Variants in CCDC85C observed in about 807,000 individuals in gnomAD.
CCDC85C encodes coiled-coil domain containing 85C.
Under a neutral mutation model 38.3 loss-of-function variants are expected in CCDC85C, and 18 were observed. That is an observed-to-expected ratio of 0.47 (90% CI 0.33 to 0.70). The LOEUF is 0.70. CCDC85C is among the 30% of genes least tolerant of loss of function. The pLI is 0.03. For missense variants in CCDC85C, 566 were observed against 621.2 expected (o/e 0.91, Z 0.94); for synonymous variants, 264 against 293.8 (o/e 0.90, Z 1.04).
In CCDC85C at chr14:99,588,435, C is replaced by G. The variant is rs1208812336; in HGVS notation, c.793+14732G>C. 2.0e-5 allele frequency among the ~76,000 whole-genome samples: 3 copies of G among 152,000 alleles called. No homozygotes were observed. Among genetic ancestry groups the G allele is most frequent in the Admixed American group, 6.6e-5 (1 of 15,266 alleles). On this transcript the variant is annotated intron_variant, in intron 1 of 5. Transcript: ENST00000380243. The surrounding 1 kb of genome is among the most constrained non-coding windows in gnomAD (Gnocchi z 5.0). ...TGCCAGTCAATGCCTGTATATTTAC[C>G]CAGAGAAAAGAGAGCCCACGGACCC... is the stretch of plus-strand genomic sequence containing the variant.
chr14:99,503,562 A>T lies in CCDC85C; in HGVS notation c.*11684T>A. 2 of 1,503,438 alleles carry T rather than the reference A, an allele frequency of 1.3e-6. No individual in the cohort carries two copies. Among genetic ancestry groups the T allele is most frequent in the Non-Finnish European group, 1.8e-6 (2 of 1,107,864 alleles). The allele number at this position is 1,503,438 out of a possible 1,614,324, so 93.1% of individuals were successfully genotyped here. ...TACCTGGATAATCCATTTTTTTCTCATCATACTCAGGATCCCAGTTAACAA... is the reference window on the plus strand; with the variant it reads ...TACCTGGATAATCCATTTTTTTCTCTTCATACTCAGGATCCCAGTTAACAA... On this transcript the variant is annotated 3_prime_UTR_variant, in exon 6 of 6. Transcript: ENST00000380243.
Position 99,510,069 on chromosome 14 carries a change from T to C in CCDC85C, c.*5177A>G. 7.4e-7 allele frequency: 1 copy of C among 1,353,264 alleles called. No individual in the cohort carries two copies. The highest frequency in any genetic ancestry group is 2.5e-5 in the East Asian group (1 of 40,128). The allele number at this position is 1,353,264 out of a possible 1,614,324, so 83.8% of individuals were successfully genotyped here. A position where few individuals can be genotyped will look rare whatever the true frequency, so the allele number is the denominator to read the frequency against. On this transcript the variant is annotated 3_prime_UTR_variant, in exon 6 of 6. Transcript: ENST00000380243. ...GGCGGGCAGCTGCTCCCTGCTCCTC[T>C]GTAAAGATGGCCCTGAAGGGCCAGG...
chr14:99,515,292 G>A lies in CCDC85C; in HGVS notation c.1214C>T (p.Ser405Phe). 2 of 1,550,946 alleles carry A rather than the reference G, an allele frequency of 1.3e-6. No individual in the cohort carries two copies. Among genetic ancestry groups the A allele is most frequent in the Admixed American group, 3.9e-5 (2 of 50,998 alleles). The change falls in exon 6 of 6, where the codon TCC becomes TTC. Residue 405 changes from serine (S) to phenylalanine (F), a missense_variant. This residue lies in a region of CCDC85C where 286 missense variants were observed against 276.4 expected (regional missense o/e 1.03). Transcript: ENST00000380243. ...GTTCCCAGACAGGTGCTGCCGTATG[G>A]AGGGCTTGGAGCTGGCTGCATCTCC... is the stretch of plus-strand genomic sequence containing the variant. The part of the protein sequence containing the change: ...KLGDAASSKP[S>F]IRQHLSGNQF...
At chr14:99,600,897 T>C (rs911349208) in intron 1 of CCDC85C, among the ~76,000 whole-genome samples, 1 of 152,230 alleles carries the variant, frequency 6.6e-6, no homozygotes, top group South Asian at 2.1e-4. Context: ...AGGTGGCTCA[T>C]GGCTCTAATC....
Position 99,576,880 on chromosome 14 carries a change from C to T in CCDC85C, c.793+26287G>A, listed in dbSNP as rs919979200. 3.9e-5 allele frequency among the ~76,000 whole-genome samples: 6 copies of T among 152,028 alleles called. No individual in the cohort carries two copies. Among genetic ancestry groups the T allele is most frequent in the Admixed American group, 6.5e-5 (1 of 15,272 alleles). The stretch of plus-strand genomic sequence containing the variant: ...CAGCACAGCGGGGCAGCACTCTCTC[C>T]GGGTCACCCCGGATGCCTTCAGCAC... On this transcript the variant is annotated intron_variant, in intron 1 of 5. Coordinates refer to ENST00000380243, the MANE Select transcript of CCDC85C (RefSeq NM_001144995.2). This position sits in a 1 kb window ranked among gnomAD's most constrained non-coding sequence, Gnocchi z 4.8.
In CCDC85C at chr14:99,509,202, CTATGTTCTCTG is replaced by C. The variant is rs1316347061; in HGVS notation, c.*6033_*6043del. On this transcript the variant is annotated 3_prime_UTR_variant, in exon 6 of 6. Coordinates refer to ENST00000380243, the MANE Select transcript of CCDC85C (RefSeq NM_001144995.2). ...AAGCATCTTCGTGGCTTTGTCCTCTCTATGTTCTCTGGAACCAGAAATGTTGCTCCTGTGGT... is the reference window on the plus strand; with the variant it reads ...AAGCATCTTCGTGGCTTTGTCCTCTCGAACCAGAAATGTTGCTCCTGTGGT... The C allele has an allele frequency of 6.6e-6, 1 of 152,284 alleles. No individual in the cohort carries two copies. The highest frequency in any genetic ancestry group is 1.5e-5 in the Non-Finnish European group (1 of 68,090). The allele number at this position is 152,284 out of a possible 1,614,324, so 9.4% of individuals were successfully genotyped here.
chr14:99,542,753 C>T (rs548085136), intron 1 of CCDC85C, among the ~76,000 whole-genome samples: 6 of 152,366 alleles, frequency 3.9e-5, no homozygotes, highest in Admixed American at 1.3e-4. Context: ...TGCTTCATCC[C>T]GAGGTGGCCA....
intron 2 of CCDC85C, among the ~76,000 whole-genome samples, chr14:99,525,886 G>A (rs1197334724): frequency 6.6e-6 from 1 of 152,208 alleles, no homozygotes; most frequent in Non-Finnish European, 1.5e-5. Context: ...GACCTGCGAG[G>A]CTCCTCCCTC....
intron 1 of CCDC85C, among the ~76,000 whole-genome samples, chr14:99,574,641 G>A (rs1236013269): frequency 1.3e-5 from 2 of 152,228 alleles, no homozygotes; most frequent in East Asian, 3.9e-4. Flanking sequence ...GGAGAGCGGA[G>A]AGGAGAGGCA....
At chr14:99,593,521 G>A (rs1310527480) in intron 1 of CCDC85C, among the ~76,000 whole-genome samples, 1 of 152,238 alleles carries the variant, frequency 6.6e-6, no homozygotes. Flanking sequence ...AGGTAGGGGT[G>A]CAAGCCAGGG....
chr14:99,539,922 G>A (rs1267384207), intron 1 of CCDC85C, among the ~76,000 whole-genome samples: 7 of 152,156 alleles, frequency 4.6e-5, no homozygotes, highest in South Asian at 2.1e-4. Context: ...CGAGGCGGGC[G>A]GATCACCTAA....
chr14:99,520,682 T>C lies in CCDC85C; in HGVS notation c.975+1451A>G, dbSNP rs1464536342. ...CCTGGCCTCATGGAGGAGCGACCCC[T>C]GCACAGCCCCCACGCTGGCCCCTGA... On this transcript the variant is annotated intron_variant, in intron 3 of 5. Coordinates refer to ENST00000380243, the MANE Select transcript of CCDC85C (RefSeq NM_001144995.2). The surrounding 1 kb of genome is among the most constrained non-coding windows in gnomAD (Gnocchi z 4.1). 6.6e-6 allele frequency among the ~76,000 whole-genome samples: 1 copy of C among 152,102 alleles called. No individual in the cohort carries two copies. The highest frequency in any genetic ancestry group is 1.9e-4 in the East Asian group (1 of 5,170).
At position 99,546,268 on chromosome 14, in the gene CCDC85C, G is replaced by A. The variant is rs190409684; in HGVS notation, c.794-10180C>T. 2.7e-3 allele frequency among the ~76,000 whole-genome samples: 416 copies of A among 152,068 alleles called. 1 individual carries two copies. Among genetic ancestry groups the A allele is most frequent in the African/African-American group, 9.7e-3 (401 of 41,498 alleles). ...TGCCCTGCCCCCACAGCTCTGCCCC[G>A]GAGCCTGCTTTCCTGCAGAGTTAGT... On this transcript the variant is annotated intron_variant, in intron 1 of 5. Coordinates refer to ENST00000380243, the MANE Select transcript of CCDC85C (RefSeq NM_001144995.2).
rs570426547 is a variant in CCDC85C at position 99,586,940 on chromosome 14, G to A, written c.793+16227C>T. Among the ~76,000 whole-genome samples the A allele has an allele frequency of 1.1e-3, 162 of 152,318 alleles. 1 individual carries two copies. The highest frequency in any genetic ancestry group is 3.6e-3 in the African/African-American group (148 of 41,570). ...CCGCAGCCACGGGCGGCACTCCCGC[G>A]CTCACAGAGGGCCTCTGCCCTCCTA... is the stretch of plus-strand genomic sequence containing the variant. On this transcript the variant is annotated intron_variant, in intron 1 of 5. Transcript: ENST00000380243.
At chr14:99,527,703 T>C (rs1897413388) in intron 2 of CCDC85C, among the ~76,000 whole-genome samples, 1 of 152,044 alleles carries the variant, frequency 6.6e-6, no homozygotes, top group South Asian at 2.1e-4. Context: ...CCCACCCAGC[T>C]CAGCAGCCCT....
intron 1 of CCDC85C, among the ~76,000 whole-genome samples, chr14:99,557,339 G>A (rs186203647): frequency 6.6e-6 from 1 of 152,328 alleles, no homozygotes; most frequent in East Asian, 1.9e-4. Context: ...GGCTGTTCTC[G>A]GCTGGAGGAA....
chr14:99,591,880 A>G (rs1427282428), intron 1 of CCDC85C, among the ~76,000 whole-genome samples: 1 of 152,000 alleles, frequency 6.6e-6, no homozygotes, highest in Non-Finnish European at 1.5e-5. Flanking sequence ...GATTACAGGC[A>G]TGTACCACCA....
chr14:99,578,103 C>T (rs1216989931), intron 1 of CCDC85C, among the ~76,000 whole-genome samples: 2 of 142,056 alleles, frequency 1.4e-5, no homozygotes, highest in Admixed American at 6.9e-5. Context: ...CTGTATCCCC[C>T]ATCAGTGTGT....
At chr14:99,527,205 T>C (rs1897402117) in intron 2 of CCDC85C, among the ~76,000 whole-genome samples, 1 of 152,208 alleles carries the variant, frequency 6.6e-6, no homozygotes, top group Non-Finnish European at 1.5e-5. Context: ...GAGGTAGACT[T>C]GGCACTGTGT....
Sources: gnomAD v4.1 joint callset for allele counts (sites outside exome capture counted in the v4.1 genomes callset) on GRCh38, gnomAD v4.1.1 for gene constraint, gnomAD v4.1.1 regional missense constraint, Gnocchi (gnomAD v3.1) non-coding constraint, MANE v1.5 for transcripts, NCBI Gene and HGNC (gene_info 2026-07-23, HGNC 2026-07-21) for gene names.